Variants in SLC9A9 observed in about 807,000 individuals in gnomAD.
SLC9A9 encodes solute carrier family 9 member A9.
SLC9A9 carries 62 observed loss-of-function variants against 77.8 expected under a neutral mutation model. That is an observed-to-expected ratio of 0.80 (90% CI 0.65 to 0.98). The LOEUF is 0.98. Among genes scored for constraint, SLC9A9 ranks in the 50% least tolerant of loss-of-function variants. The pLI is 0.00. For synonymous variants in SLC9A9, 320 were observed against 283.5 expected, an observed-to-expected ratio of 1.13 and a Z score of -1.29; for missense variants, 775 against 774.9, an observed-to-expected ratio of 1.00 and a Z score of 0.00.
chr3:143,322,169 C>T (rs2031443479), intron 14 of SLC9A9, among the ~76,000 whole-genome samples: 1 of 152,038 alleles, frequency 6.6e-6, no homozygotes, highest in African/African-American at 2.4e-5. Flanking sequence ...CATGAGGTAC[C>T]CAGATATTTG....
At position 143,840,900 on chromosome 3, in the gene SLC9A9, T is replaced by A. The variant is rs575588266; in HGVS notation, c.175+7248A>T. 2.0e-5 allele frequency among the ~76,000 whole-genome samples: 3 copies of A among 152,368 alleles called. No individual in the cohort carries two copies. In the South Asian group the frequency reaches 6.2e-4, roughly 32 times the overall value. ...TGTTTCCTTATATGCAAACTAAAGA[T>A]GATCTTGCCTATTTAGCATGGTTGT... On this transcript the variant is annotated intron_variant, in intron 1 of 15. Transcript: ENST00000316549.
rs55750613 is a variant in SLC9A9, at chr3:143,772,022, ATGTGTGTGTGTGTGTG to A, written c.533+22963_533+22978del. Among the ~76,000 whole-genome samples, 7 of 141,714 alleles carry A rather than the reference ATGTGTGTGTGTGTGTG, an allele frequency of 4.9e-5. No homozygotes were observed. The East Asian group carries it at 1.5e-3, about 30-fold the overall frequency. 93.0% of individuals were successfully genotyped at this position (141,714 alleles called of 152,430 possible). A position where few individuals can be genotyped will look rare whatever the true frequency, so the allele number is the denominator to read the frequency against. The stretch of plus-strand genomic sequence containing the variant: ...AAGACAGCCTCAGAGCATCCCCAGA[ATGTGTGTGTGTGTGTG>A]TGTGTGTGTGTGTGTGTGTATTGGA... On this transcript the variant is annotated intron_variant, in intron 4 of 15. Transcript: ENST00000316549.
At chr3:143,744,873 T>C (rs955276106) in intron 4 of SLC9A9, among the ~76,000 whole-genome samples, 3 of 152,172 alleles carry the variant, frequency 2.0e-5, no homozygotes, top group Admixed American at 6.5e-5. Flanking sequence ...GAGGCAGGCA[T>C]GAGATGATAT....
chr3:143,517,306 G>A (rs1576548641), intron 9 of SLC9A9: 5 of 1,238,094 alleles, frequency 4.0e-6, no homozygotes, highest in Admixed American at 3.4e-5. Flanking sequence ...CAGGCATTCC[G>A]GCCATTCCAG....
Position 143,635,544 on chromosome 3 carries a change from G to A in SLC9A9, c.755+16711C>T, listed in dbSNP as rs552574865. Among the ~76,000 whole-genome samples, 7 of 152,294 alleles carry A rather than the reference G, an allele frequency of 4.6e-5. No individual in the cohort carries two copies. In the East Asian group the frequency reaches 5.8e-4, roughly 13 times the overall value. On this transcript the variant is annotated intron_variant, in intron 6 of 15. Coordinates refer to ENST00000316549, the MANE Select transcript of SLC9A9 (RefSeq NM_173653.4). ...TGAGGTGGCACAGAGAAAAACCCCC[G>A]AAGTTGCGGATGAATTATGTTTTAA...
intron 4 of SLC9A9, among the ~76,000 whole-genome samples, chr3:143,757,330 T>C (rs2006957512): frequency 6.6e-6 from 1 of 152,158 alleles, no homozygotes; most frequent in African/African-American, 2.4e-5. Context: ...CTAGGCATTA[T>C]GGAGAAATAG....
In SLC9A9 at chr3:143,664,010, C is replaced by T. The variant is rs182848595; in HGVS notation, c.650-11650G>A. Among the ~76,000 whole-genome samples, 11 of 152,154 alleles carry T rather than the reference C, an allele frequency of 7.2e-5. No homozygotes were observed. The East Asian group carries it at 2.1e-3, about 29-fold the overall frequency. On this transcript the variant is annotated intron_variant, in intron 5 of 15. Transcript: ENST00000316549. The stretch of plus-strand genomic sequence containing the variant: ...CAAAGATACTCCTTGAGAAGACCAA[C>T]CCCGAGACACGTAATTGTCAGATTC...
At chr3:143,271,260 T>C (rs1229638590) in intron 14 of SLC9A9, among the ~76,000 whole-genome samples, 1 of 152,190 alleles carries the variant, frequency 6.6e-6, no homozygotes, top group East Asian at 1.9e-4. Context: ...GTGTAGCTTT[T>C]AGTGAGTATG....
At chr3:143,518,072 T>C in intron 9 of SLC9A9, 1 of 1,545,064 alleles carries the variant, frequency 6.5e-7, no homozygotes, top group South Asian at 1.1e-5. Context: ...CTTGGTATTT[T>C]CTTCTGATTT....
At chr3:143,419,193 T>C (rs1576484550) in intron 12 of SLC9A9, among the ~76,000 whole-genome samples, 3 of 152,310 alleles carry the variant, frequency 2.0e-5, no homozygotes, top group Admixed American at 2.0e-4. Flanking sequence ...AGGCACAAGA[T>C]GGTAATGAAC....
At chr3:143,570,889 T>C (rs563836527) in intron 8 of SLC9A9, among the ~76,000 whole-genome samples, 1 of 152,326 alleles carries the variant, frequency 6.6e-6, no homozygotes, top group South Asian at 2.1e-4. Context: ...TTTATTTCCT[T>C]CTGTAAATCT....
chr3:143,292,843 C>T (rs1049141574), intron 14 of SLC9A9, among the ~76,000 whole-genome samples: 1 of 152,172 alleles, frequency 6.6e-6, no homozygotes, highest in Non-Finnish European at 1.5e-5. Flanking sequence ...GATCCCTCTG[C>T]ACGTTGATGA....
chr3:143,487,514 A>G (rs1184272809), intron 11 of SLC9A9, among the ~76,000 whole-genome samples: 1 of 151,928 alleles, frequency 6.6e-6, no homozygotes, highest in Non-Finnish European at 1.5e-5. Context: ...TAGATCATAC[A>G]TTAGGGAACA....
intron 14 of SLC9A9, among the ~76,000 whole-genome samples, chr3:143,332,294 G>C (rs774690383): frequency 7.0e-6 from 1 of 142,586 alleles, no homozygotes; most frequent in African/African-American, 2.6e-5. Context: ...CTCTATGTAG[G>C]GTTCTAAAAA....
chr3:143,616,466 C>T (rs2038109146), intron 6 of SLC9A9, among the ~76,000 whole-genome samples: 1 of 152,134 alleles, frequency 6.6e-6, no homozygotes, highest in Non-Finnish European at 1.5e-5. Context: ...CAAATAGTTC[C>T]ATATGTCCTC....
intron 8 of SLC9A9, among the ~76,000 whole-genome samples, chr3:143,555,547 C>T: frequency 6.6e-6 from 1 of 152,188 alleles, no homozygotes; most frequent in East Asian, 1.9e-4. Context: ...TCAAGGTCAC[C>T]TCTAAAGTGA....
chr3:143,826,381 G>T (rs946059021), intron 2 of SLC9A9, among the ~76,000 whole-genome samples: 1 of 152,074 alleles, frequency 6.6e-6, no homozygotes, highest in Non-Finnish European at 1.5e-5. Flanking sequence ...ACATGACCAG[G>T]GTAGCAGAGG....
intron 12 of SLC9A9, among the ~76,000 whole-genome samples, chr3:143,447,966 T>G (rs1417142152): frequency 3.3e-5 from 5 of 152,192 alleles, no homozygotes; most frequent in African/African-American, 1.2e-4. Context: ...CAGTAGAAGC[T>G]TAATTAATAT....
chr3:143,337,496 G>A (rs2031964786), intron 14 of SLC9A9, among the ~76,000 whole-genome samples: 2 of 152,162 alleles, frequency 1.3e-5, no homozygotes, highest in Non-Finnish European at 2.9e-5. Context: ...GATGCAGTCA[G>A]GCTCTACTTG....
Sources: allele counts gnomAD v4.1 joint callset (sites outside exome capture counted in the v4.1 genomes callset), GRCh38; gene constraint gnomAD v4.1.1; transcripts MANE v1.5; gene names NCBI Gene and HGNC (gene_info 2026-07-23, HGNC 2026-07-21).